The following FARS2 variants were observed in gnomAD, a reference collection of about 807,000 sequenced individuals.
FARS2 encodes phenylalanyl-tRNA synthetase 2, mitochondrial.
Under a neutral mutation model 46.4 loss-of-function variants are expected in FARS2, and 40 were observed. The observed-to-expected ratio is 0.86, with a 90% CI of 0.67 to 1.12. The LOEUF (loss-of-function observed/expected upper bound fraction) is 1.12. Ranked by LOEUF, FARS2 falls within the 50% of genes most tolerant of loss-of-function variation. The pLI, the probability that FARS2 is intolerant of heterozygous loss-of-function variation, is 0.00. For missense variants in FARS2, 513 were observed against 567.9 expected, an observed-to-expected ratio of 0.90 and a Z score of 0.98; for synonymous variants, 234 against 214.9, an observed-to-expected ratio of 1.09 and a Z score of -0.78.
At chr6:5,382,072 G>T (rs932377051) in intron 2 of FARS2, among the ~76,000 whole-genome samples, 1 of 152,190 alleles carries the variant, frequency 6.6e-6, no homozygotes, top group Non-Finnish European at 1.5e-5. Context: ...GTAAACACTG[G>T]CCCTTGGAAT....
chr6:5,770,763 C>T lies in FARS2; in HGVS notation c.1218-528C>T, dbSNP rs115775657. On this transcript the variant is annotated intron_variant, in intron 6 of 6. Transcript: ENST00000274680. ...AGTAATTCTCTACACAGCACATACA[C>T]GGCATATATGGCCTGTATGCTTCCT... 7.4e-3 allele frequency among the ~76,000 whole-genome samples: 1,128 copies of T among 152,348 alleles called. 17 individuals carry two copies. The highest frequency in any genetic ancestry group is 0.025 in the African/African-American group (1,056 of 41,580).
At chr6:5,751,256 A>G (rs1056013516) in intron 6 of FARS2, among the ~76,000 whole-genome samples, 2 of 152,164 alleles carry the variant, frequency 1.3e-5, no homozygotes, top group Middle Eastern at 3.2e-3. Context: ...GAGTCAGGCT[A>G]AGTCTGGGCT....
chr6:5,452,737 A>G (rs1764573297), intron 4 of FARS2: 2 of 152,258 alleles, frequency 1.3e-5, no homozygotes, highest in Non-Finnish European at 2.9e-5. Flanking sequence ...GGAGGCAGTG[A>G]GACCAAGTGG....
intron 4 of FARS2, among the ~76,000 whole-genome samples, chr6:5,521,864 G>A (rs540735430): frequency 5.9e-5 from 9 of 152,234 alleles, no homozygotes; most frequent in South Asian, 4.2e-4. Context: ...GTTTATAAGT[G>A]GTCGAGTCTC....
At chr6:5,508,133 A>G (rs1768209498) in intron 4 of FARS2, among the ~76,000 whole-genome samples, 1 of 152,236 alleles carries the variant, frequency 6.6e-6, no homozygotes, top group Non-Finnish European at 1.5e-5. Context: ...GGGAGTTATT[A>G]ACTCTTTGAA....
intron 1 of FARS2, among the ~76,000 whole-genome samples, chr6:5,332,977 A>G (rs1309370229): frequency 6.6e-6 from 1 of 152,236 alleles, no homozygotes; most frequent in Non-Finnish European, 1.5e-5. Flanking sequence ...AGACCAAATC[A>G]AGAATGTTAT....
chr6:5,451,792 G>C (rs139585386), intron 4 of FARS2: 138 of 152,296 alleles, frequency 9.1e-4, no homozygotes, highest in African/African-American at 3.2e-3. Context: ...ACAATCAGCT[G>C]GTATTAGTGT....
intron 6 of FARS2, among the ~76,000 whole-genome samples, chr6:5,744,896 C>T (rs1761550856): frequency 1.3e-5 from 2 of 151,952 alleles, no homozygotes; most frequent in South Asian, 4.2e-4. Context: ...AAAATAATGC[C>T]CGAATCAAGA....
chr6:5,255,679 C>T, the FARS2 span, among the ~76,000 whole-genome samples: 1 of 152,184 alleles, frequency 6.6e-6, no homozygotes, highest in Non-Finnish European at 1.5e-5. Context: ...CCTAGAATAG[C>T]ATCCGTAGCC....
At chr6:5,732,065 A>T (rs951292558) in intron 6 of FARS2, among the ~76,000 whole-genome samples, 1 of 152,198 alleles carries the variant, frequency 6.6e-6, no homozygotes, top group African/African-American at 2.4e-5. Flanking sequence ...ATCCTCATGC[A>T]GGGTTTTGTG....
intron 4 of FARS2, among the ~76,000 whole-genome samples, chr6:5,458,272 G>A (rs1164734887): frequency 6.6e-6 from 1 of 152,238 alleles, no homozygotes; most frequent in Non-Finnish European, 1.5e-5. Context: ...CAGGAAAGGG[G>A]TTTGTGCAAG....
chr6:5,441,037 TCAG>T (rs939039552), intron 4 of FARS2, among the ~76,000 whole-genome samples: 6 of 152,076 alleles, frequency 3.9e-5, no homozygotes, highest in African/African-American at 1.4e-4. Flanking sequence ...TTCTCCTGCC[TCAG>T]CCTTCTGAGT....
chr6:5,731,172 A>G (rs1038967569), intron 6 of FARS2, among the ~76,000 whole-genome samples: 4 of 152,204 alleles, frequency 2.6e-5, no homozygotes, highest in Non-Finnish European at 5.9e-5. Context: ...GCTTTTTAAA[A>G]GAGGCATAAA....
intron 5 of FARS2, among the ~76,000 whole-genome samples, chr6:5,549,018 G>A (rs1771207101): frequency 6.6e-6 from 1 of 152,028 alleles, no homozygotes; most frequent in Non-Finnish European, 1.5e-5. Context: ...TAGGTAACCA[G>A]TTACCACAAA....
chr6:5,644,445 T>C (rs1287663075), intron 6 of FARS2, among the ~76,000 whole-genome samples: 2 of 152,156 alleles, frequency 1.3e-5, no homozygotes, highest in African/African-American at 4.8e-5. Context: ...TGAACTGAGC[T>C]CAAGCAATCT....
At chr6:5,742,467 T>C (rs551703487) in intron 6 of FARS2, among the ~76,000 whole-genome samples, 2 of 152,330 alleles carry the variant, frequency 1.3e-5, no homozygotes, top group African/African-American at 4.8e-5. Flanking sequence ...AGTATTTTTT[T>C]CCCCATTATA....
intron 4 of FARS2, among the ~76,000 whole-genome samples, 184 bp from the exon 5 acceptor site, chr6:5,544,996 G>A (rs1414215659): frequency 1.3e-5 from 2 of 152,164 alleles, no homozygotes; most frequent in African/African-American, 4.8e-5. Context: ...AGGGCAGTCC[G>A]GAATATGGAG....
chr6:5,273,621 G>A (rs6597122), intron 1 of FARS2, among the ~76,000 whole-genome samples: 13,731 of 152,048 alleles, frequency 0.09, 1,443 homozygotes, highest in African/African-American at 0.26. Flanking sequence ...GAGATTCTGG[G>A]TTGTGTTTTC....
chr6:5,338,521 C>T (rs1771321720), intron 1 of FARS2, among the ~76,000 whole-genome samples: 1 of 152,148 alleles, frequency 6.6e-6, no homozygotes, highest in African/African-American at 2.4e-5. Context: ...GCCTTGACCG[C>T]AGTGACTTTC....
Sources: gnomAD v4.1 joint callset for allele counts (sites outside exome capture counted in the v4.1 genomes callset) on GRCh38, gnomAD v4.1.1 for gene constraint, MANE v1.5 for transcripts, NCBI Gene and HGNC (gene_info 2026-07-23, HGNC 2026-07-21) for gene names.